Variants in LOC128706666 observed in about 807,000 individuals in gnomAD.
the LOC128706666 span, among the ~76,000 whole-genome samples, chr20:10,432,427 C>T: frequency 6.6e-6 from 1 of 152,226 alleles, no homozygotes; most frequent in Non-Finnish European, 1.5e-5. Context: ...AATCACCCCT[C>T]AGTATTTGGG....
chr20:10,428,798 C>G, the LOC128706666 span, among the ~76,000 whole-genome samples: 2 of 152,012 alleles, frequency 1.3e-5, no homozygotes, highest in African/African-American at 4.8e-5. Flanking sequence ...GAGTCGAGAT[C>G]GCGCCATTGC....
the LOC128706666 span, among the ~76,000 whole-genome samples, chr20:10,414,118 C>T: frequency 6.6e-6 from 1 of 152,264 alleles, no homozygotes; most frequent in East Asian, 1.9e-4. Context: ...TTCAATAAAT[C>T]CCCTCTACAA....
chr20:10,415,848 G>A, the LOC128706666 span, among the ~76,000 whole-genome samples: 1 of 152,158 alleles, frequency 6.6e-6, no homozygotes, highest in Middle Eastern at 3.4e-3. Context: ...CATATCTTTT[G>A]GCTAGTATTT....
the LOC128706666 span, among the ~76,000 whole-genome samples, chr20:10,414,186 T>C: frequency 2.0e-4 from 31 of 152,010 alleles, no homozygotes; most frequent in Middle Eastern, 0.014. Flanking sequence ...CTAGAAAGCT[T>C]ACAGCACAGT....
chr20:10,415,002 C>T, the LOC128706666 span, among the ~76,000 whole-genome samples: 1 of 152,100 alleles, frequency 6.6e-6, no homozygotes, highest in Non-Finnish European at 1.5e-5. Context: ...ATCTGAGTTG[C>T]AATTCAATTT....
the LOC128706666 span, among the ~76,000 whole-genome samples, chr20:10,427,081 A>C: frequency 7.5e-4 from 64 of 85,654 alleles, no homozygotes; most frequent in African/African-American, 2.0e-3. Context: ...CACACACACA[A>C]AGTAAGGTTA....
At chr20:10,422,287 C>T in the LOC128706666 span, among the ~76,000 whole-genome samples, 1 of 151,986 alleles carries the variant, frequency 6.6e-6, no homozygotes, top group African/African-American at 2.4e-5. Context: ...TATTTTATGG[C>T]CTTTTCCTTT....
At chr20:10,431,364 C>G in the LOC128706666 span, among the ~76,000 whole-genome samples, 1 of 152,006 alleles carries the variant, frequency 6.6e-6, no homozygotes, top group Non-Finnish European at 1.5e-5. Context: ...TAATTCTATC[C>G]AAATGCTCAC....
the LOC128706666 span, among the ~76,000 whole-genome samples, chr20:10,427,021 A>ACAC: frequency 0.057 from 6,502 of 114,534 alleles, 226 homozygotes; most frequent in Admixed American, 0.086. Flanking sequence ...CCAAGAAAAG[A>ACAC]AAACACTGAC....
the LOC128706666 span, among the ~76,000 whole-genome samples, chr20:10,417,561 T>C: frequency 6.6e-6 from 1 of 152,160 alleles, no homozygotes; most frequent in Non-Finnish European, 1.5e-5. Context: ...CAGTGAGCTA[T>C]GATATGTTAC....
chr20:10,422,953 C>T, the LOC128706666 span, among the ~76,000 whole-genome samples: 10 of 152,004 alleles, frequency 6.6e-5, no homozygotes, highest in African/African-American at 1.2e-4. Context: ...CCTTGCGATC[C>T]GCTCGCCTCG....
the LOC128706666 span, among the ~76,000 whole-genome samples, chr20:10,433,080 C>G: frequency 6.6e-6 from 1 of 152,168 alleles, no homozygotes; most frequent in African/African-American, 2.4e-5. Flanking sequence ...CTCCGCTCAC[C>G]GCAACCTCCG....
chr20:10,432,390 GA>G, the LOC128706666 span, among the ~76,000 whole-genome samples: 1 of 152,300 alleles, frequency 6.6e-6, no homozygotes, highest in South Asian at 2.1e-4. Context: ...GGACAATCTA[GA>G]AACATCTTGC....
the LOC128706666 span, among the ~76,000 whole-genome samples, chr20:10,425,191 A>C: frequency 6.6e-6 from 1 of 152,234 alleles, no homozygotes; most frequent in Non-Finnish European, 1.5e-5. Flanking sequence ...GTGTAACAAA[A>C]ATGTGATCAT....
At chr20:10,434,201 C>T in the LOC128706666 span, 4 of 152,282 alleles carry the variant, frequency 2.6e-5, no homozygotes, top group Non-Finnish European at 5.9e-5. Context: ...ATCCCGACAA[C>T]CTTCGCGTCG....
At chr20:10,431,685 C>T in the LOC128706666 span, 1 of 152,288 alleles carries the variant, frequency 6.6e-6, no homozygotes, top group East Asian at 1.9e-4. Flanking sequence ...TTTACTTACT[C>T]CATCTTTAGT....
the LOC128706666 span, among the ~76,000 whole-genome samples, chr20:10,427,064 ACACAC>A: frequency 6.8e-6 from 1 of 146,010 alleles, no homozygotes; most frequent in Non-Finnish European, 1.5e-5. Context: ...ACACACACAC[ACACAC>A]ACACACACAC....
At chr20:10,414,370 A>G in the LOC128706666 span, among the ~76,000 whole-genome samples, 1 of 151,760 alleles carries the variant, frequency 6.6e-6, no homozygotes, top group Non-Finnish European at 1.5e-5. Context: ...GGTTCAAGCA[A>G]TTCTCCTGCC....
the LOC128706666 span, among the ~76,000 whole-genome samples, chr20:10,433,118 C>T: frequency 2.0e-5 from 3 of 152,248 alleles, no homozygotes; most frequent in South Asian, 4.1e-4. Context: ...ATTCTCCTGC[C>T]TCAACCTCCC....
Sources: gnomAD v4.1 joint callset for allele counts (sites outside exome capture counted in the v4.1 genomes callset) on GRCh38, gnomAD v4.1.1 for gene constraint, MANE v1.5 for transcripts.